The following HHIPL1 variants were observed in gnomAD, a reference collection of about 807,000 sequenced individuals.
HHIPL1 encodes the protein HHIP like 1.
HHIPL1 carries 43 observed loss-of-function variants against 61.8 expected under a neutral mutation model. The ratio of observed to expected loss-of-function variants is 0.70; its 90% CI spans 0.55 to 0.90. HHIPL1 has a LOEUF of 0.90. HHIPL1 is among the 40% of genes least tolerant of loss of function. The pLI is 0.00. For missense variants in HHIPL1, 1,056 were observed against 1,157.7 expected (o/e 0.91, Z 1.28); for synonymous variants, 482 against 515.8 (o/e 0.93, Z 0.89).
chr14:99,610,659 G>T, the HHIPL1 span, among the ~76,000 whole-genome samples: 14 of 152,254 alleles, frequency 9.2e-5, no homozygotes, highest in East Asian at 2.7e-3. Context: ...TATTCAGGAG[G>T]CTGAGGCAGG....
chr14:99,659,886 TCGGCCCCACTCTATGGGCTGTG>T (rs2056120937), intron 4 of HHIPL1, 130 bp downstream of exon 4: 1 of 622,586 alleles, frequency 1.6e-6, no homozygotes, highest in Non-Finnish European at 2.5e-6. Context: ...GAGTCTGTCC[TCGGCCCCACTCTATGGGCTGTG>T]CGGCAGGGCC....
Position 99,669,053 on chromosome 14 carries a change from C to T in HHIPL1, c.1730+750C>T, listed in dbSNP as rs1488602149. On this transcript the variant is annotated intron_variant, in intron 7 of 8. Transcript: ENST00000330710. The stretch of plus-strand genomic sequence containing the variant: ...CACCTCACCCTCTTCAAGCACCTTC[C>T]CCAACCCACGTTGCCCTCCAGGCCT... The T allele has an allele frequency of 2.7e-6, 4 of 1,459,472 alleles. No homozygotes were observed. In the African/African-American group the frequency reaches 5.7e-5, roughly 21 times the overall value. 90.4% of individuals were successfully genotyped at this position (1,459,472 alleles called of 1,614,324 possible).
Position 99,676,034 on chromosome 14 carries a change from C to G in HHIPL1, c.*408C>G, listed in dbSNP as rs914880942. 1.1e-4 allele frequency: 21 copies of G among 189,460 alleles called. No homozygotes were observed. Among genetic ancestry groups the G allele is most frequent in the Middle Eastern group, 1.9e-3 (1 of 526 alleles). The allele number at this position is 189,460 out of a possible 1,614,324, so 11.7% of individuals were successfully genotyped here. A position where few individuals can be genotyped will look rare whatever the true frequency, so the allele number is the denominator to read the frequency against. On this transcript the variant is annotated 3_prime_UTR_variant, in exon 9 of 9. Coordinates refer to ENST00000330710, the MANE Select transcript of HHIPL1 (RefSeq NM_001127258.3). ...GGGCGGTGGGGAGAACCAGGCTTGTCCTGCCCACAGCTGGAATGGAAGGTG... is the reference window on the plus strand; with the variant it reads ...GGGCGGTGGGGAGAACCAGGCTTGTGCTGCCCACAGCTGGAATGGAAGGTG...
intron 8 of HHIPL1, among the ~76,000 whole-genome samples, chr14:99,674,108 T>C (rs1440092514): frequency 6.6e-6 from 1 of 151,698 alleles, no homozygotes; most frequent in Admixed American, 6.6e-5. Flanking sequence ...TGCTTGGCCT[T>C]GTGCTGAGAG....
chr14:99,664,423 C>A (rs987046523), intron 6 of HHIPL1, among the ~76,000 whole-genome samples: 2 of 152,208 alleles, frequency 1.3e-5, no homozygotes, highest in Non-Finnish European at 2.9e-5. Context: ...GCCCCTCCCT[C>A]ACAGAGGCAG....
chr14:99,609,119 C>T, the HHIPL1 span, among the ~76,000 whole-genome samples: 97,380 of 152,110 alleles, frequency 0.64, 34,566 homozygotes, highest in South Asian at 0.87. Flanking sequence ...GTGGCTCTGA[C>T]GCCTCTGGAT....
the HHIPL1 span, among the ~76,000 whole-genome samples, chr14:99,622,578 C>T: frequency 6.6e-6 from 1 of 152,218 alleles, no homozygotes; most frequent in African/African-American, 2.4e-5. Flanking sequence ...CCATGCTCCC[C>T]CCAACCTGTC....
the HHIPL1 span, among the ~76,000 whole-genome samples, chr14:99,636,980 G>GGAAAGAAAGAA: frequency 1.4e-5 from 1 of 70,398 alleles, no homozygotes; most frequent in African/African-American, 5.4e-5. Flanking sequence ...AAAAAAAAAA[G>GGAAAGAAAGAA]GAAAGAAAGA....
At chr14:99,610,889 T>C in the HHIPL1 span, among the ~76,000 whole-genome samples, 1 of 152,216 alleles carries the variant, frequency 6.6e-6, no homozygotes, top group South Asian at 2.1e-4. Flanking sequence ...TTCATTTTCA[T>C]AGCCATATAG....
intron 7 of HHIPL1, chr14:99,669,329 C>A: frequency 9.8e-7 from 1 of 1,017,104 alleles, no homozygotes; most frequent in Admixed American, 5.1e-5. Context: ...CCACAGCAGT[C>A]TGAACGTCTC....
At chr14:99,623,020 G>A in the HHIPL1 span, among the ~76,000 whole-genome samples, 3 of 152,262 alleles carry the variant, frequency 2.0e-5, no homozygotes, top group Non-Finnish European at 4.4e-5. Context: ...AGGAAGGGCA[G>A]CAATTCTGAC....
chr14:99,637,035 G>GAAAGAAAGAAA, the HHIPL1 span, among the ~76,000 whole-genome samples: 6 of 100,966 alleles, frequency 5.9e-5, no homozygotes, highest in African/African-American at 2.1e-4. Flanking sequence ...AAGAAAGAAA[G>GAAAGAAAGAAA]AAAGAAAGAA....
chr14:99,640,816 A>G (rs1238138025), upstream of HHIPL1, among the ~76,000 whole-genome samples: 2 of 148,250 alleles, frequency 1.3e-5, no homozygotes, highest in East Asian at 4.0e-4. Context: ...ACCATCCAGT[A>G]CGTTGAATTT....
intron 5 of HHIPL1, among the ~76,000 whole-genome samples, chr14:99,662,206 C>T (rs1312369235): frequency 6.8e-6 from 1 of 147,106 alleles, no homozygotes; most frequent in Non-Finnish European, 1.5e-5. Flanking sequence ...CAGTCCACTG[C>T]ACTGCAACCC....
rs1387824809 is a variant in HHIPL1 at position 99,668,264 on chromosome 14, C to T, written c.1691C>T (p.Ala564Val). 6.2e-7 allele frequency: 1 copy of T among 1,612,836 alleles called. No homozygotes were observed. The highest frequency in any genetic ancestry group is 8.5e-7 in the Non-Finnish European group (1 of 1,178,982). ...TCGACAGGGGAGCCGAGTGCCACAG[C>T]TCCACGCGGAGTTGTCTACAAAATA... ...FMSTGEPSAT[A>V]PRGVVYKIID... Residue 564 changes from alanine (A) to valine (V), a missense_variant, in exon 7 of 9, where the codon GCT becomes GTT. Ala to Val is a moderately conservative substitution (Grantham distance 64, BLOSUM62 0). Transcript: ENST00000330710. The surrounding 1 kb of genome is among the most constrained non-coding windows in gnomAD (Gnocchi z 4.7).
intron 8 of HHIPL1, among the ~76,000 whole-genome samples, chr14:99,673,237 T>C (rs1308205944): frequency 6.6e-6 from 1 of 151,286 alleles, no homozygotes; most frequent in East Asian, 2.0e-4. Context: ...GGGGGAAGGG[T>C]CTGAGCTCAG....
At chr14:99,620,028 C>G in the HHIPL1 span, among the ~76,000 whole-genome samples, 1 of 152,200 alleles carries the variant, frequency 6.6e-6, no homozygotes, top group Non-Finnish European at 1.5e-5. Flanking sequence ...CCTGGCACTT[C>G]CGGAGGAAAA....
At chr14:99,621,125 G>T in the HHIPL1 span, among the ~76,000 whole-genome samples, 1 of 152,060 alleles carries the variant, frequency 6.6e-6, no homozygotes, top group Admixed American at 6.5e-5. Context: ...TTGAAACAGG[G>T]TCTTTTTCTG....
Position 99,660,157 on chromosome 14 carries a change from TGCTGTGGGCACG to T in HHIPL1, c.1376-122_1376-111del. 1.0e-6 allele frequency: 1 copy of T among 985,104 alleles called. No individual in the cohort carries two copies. The highest frequency in any genetic ancestry group is 1.5e-6 in the Non-Finnish European group (1 of 689,436). The allele number at this position is 985,104 out of a possible 1,614,324, so 61.0% of individuals were successfully genotyped here. A position where few individuals can be genotyped will look rare whatever the true frequency, so the allele number is the denominator to read the frequency against. On this transcript the variant is annotated intron_variant, in intron 4 of 8. Transcript: ENST00000330710. This position sits in a 1 kb window ranked among gnomAD's most constrained non-coding sequence, Gnocchi z 4.9. ...AGCCCTGCTGTGGGCACGCCAGCCC[TGCTGTGGGCACG>T]CCCCTCCCTCCGTGGCCGCCCCACC...
Sources: gnomAD v4.1 joint callset for allele counts (sites outside exome capture counted in the v4.1 genomes callset) on GRCh38, gnomAD v4.1.1 for gene constraint, Gnocchi (gnomAD v3.1) non-coding constraint, MANE v1.5 for transcripts, NCBI Gene and HGNC (gene_info 2026-07-23, HGNC 2026-07-21) for gene names.